Variants in MROH9 observed in about 807,000 individuals in gnomAD.
MROH9 encodes maestro heat-like repeat-containing protein family member 9.
A neutral mutation model predicts 98.2 loss-of-function variants in MROH9; 92 were observed. The observed-to-expected ratio is 0.94, with a 90% CI of 0.79 to 1.11. The LOEUF (loss-of-function observed/expected upper bound fraction) is 1.11. MROH9 is among the 50% of genes most tolerant of loss of function. MROH9 has a pLI of 0.00. For synonymous variants in MROH9, 397 were observed against 368.9 expected, an observed-to-expected ratio of 1.08 and a Z score of -0.87; for missense variants, 1,057 against 1,014.8, an observed-to-expected ratio of 1.04 and a Z score of -0.57.
intron 20 of MROH9, among the ~76,000 whole-genome samples, chr1:171,029,630 C>T (rs147956409): frequency 3.3e-4 from 50 of 152,234 alleles, no homozygotes; most frequent in East Asian, 3.3e-3. Context: ...AGCCTTGCAT[C>T]GCAGGGATGA....
intron 20 of MROH9, among the ~76,000 whole-genome samples, chr1:171,055,176 A>G (rs904631350): frequency 6.6e-6 from 1 of 152,230 alleles, no homozygotes; most frequent in African/African-American, 2.4e-5. Context: ...AATATTACTC[A>G]GCCATTAAAA....
intron 8 of MROH9, among the ~76,000 whole-genome samples, chr1:170,975,149 T>A (rs894248558): frequency 6.6e-6 from 1 of 152,000 alleles, no homozygotes; most frequent in Non-Finnish European, 1.5e-5. Flanking sequence ...GTAAATATTC[T>A]AAATACCCCA....
At chr1:170,936,355 C>T (rs1648882311) in intron 1 of MROH9, among the ~76,000 whole-genome samples, 1 of 152,106 alleles carries the variant, frequency 6.6e-6, no homozygotes, top group Non-Finnish European at 1.5e-5. Context: ...GCACCGAGGG[C>T]AGCAGATTTG....
chr1:170,990,038 G>T, intron 11 of MROH9, 35 bp downstream of exon 11: 1 of 1,576,472 alleles, frequency 6.3e-7, no homozygotes, highest in Non-Finnish European at 8.7e-7. Flanking sequence ...CTTCCACAAG[G>T]GCTTGTTCAC....
intron 1 of MROH9, among the ~76,000 whole-genome samples, chr1:170,942,525 G>A (rs74123648): frequency 6.6e-6 from 1 of 151,996 alleles, no homozygotes; most frequent in Non-Finnish European, 1.5e-5. Flanking sequence ...CTAAAGCAAA[G>A]TCTTTGATAG....
In MROH9 at chr1:171,013,928, C is replaced by T. The variant is rs551302187; in HGVS notation, c.1597-189C>T. 5.8e-4 allele frequency among the ~76,000 whole-genome samples: 87 copies of T among 148,946 alleles called. 1 individual carries two copies. The South Asian group carries it at 0.013, about 22-fold the overall frequency. ...ACACACACACACAGACAGACAAAAA[C>T]GAAACAAAGCATCTATTTTTCTATC... is the stretch of plus-strand genomic sequence containing the variant. On this transcript the variant is annotated intron_variant, in intron 15 of 21. Coordinates refer to ENST00000367759, the MANE Select transcript of MROH9 (RefSeq NM_001163629.2).
intron 20 of MROH9, among the ~76,000 whole-genome samples, chr1:171,028,685 T>G (rs1652808259): frequency 6.6e-6 from 1 of 152,214 alleles, no homozygotes. Flanking sequence ...CATTTGTTTG[T>G]GTCCTCTCTG....
rs1324233547 is a variant in MROH9 at position 170,945,545 on chromosome 1, A to T, written c.-12A>T. 1 of 1,612,044 alleles carries T rather than the reference A, an allele frequency of 6.2e-7. No individual in the cohort carries two copies. The highest frequency in any genetic ancestry group is 1.7e-4 in the Middle Eastern group (1 of 6,042). ...CATTACTAGTAGAAGACTTTAATAC[A>T]CCTCTGTCAGCATGTTGACAAGGAA... On this transcript the variant is annotated 5_prime_UTR_variant, in exon 2 of 22. Transcript: ENST00000367759.
intron 7 of MROH9, among the ~76,000 whole-genome samples, chr1:170,967,707 A>G (rs1650285630): frequency 6.6e-6 from 1 of 152,212 alleles, no homozygotes. Flanking sequence ...GATTTGTCTC[A>G]CATGACTCAT....
chr1:171,002,147 A>G (rs1651805141), intron 15 of MROH9, among the ~76,000 whole-genome samples: 1 of 152,102 alleles, frequency 6.6e-6, no homozygotes. Flanking sequence ...GTGTTAGGTC[A>G]GTCTCTTGAA....
chr1:170,937,866 T>C (rs934176276), intron 1 of MROH9, among the ~76,000 whole-genome samples: 3 of 152,152 alleles, frequency 2.0e-5, no homozygotes, highest in Non-Finnish European at 2.9e-5. Flanking sequence ...ACACATTCTG[T>C]AGTTTCTTTG....
intron 15 of MROH9, 67 bp from the exon 16 acceptor site, chr1:171,014,050 T>C: frequency 3.0e-6 from 4 of 1,350,150 alleles, no homozygotes; most frequent in Admixed American, 4.7e-5. Flanking sequence ...AATATCTTGA[T>C]TTTTATGACA....
At chr1:171,052,095 A>G (rs546973239) in intron 20 of MROH9, among the ~76,000 whole-genome samples, 17 of 151,590 alleles carry the variant, frequency 1.1e-4, no homozygotes, top group South Asian at 2.1e-4. Flanking sequence ...CAGGACTTCT[A>G]TTTATTCTTG....
rs3980698 is a variant in MROH9, at chr1:170,970,702, CTGTGTGTGTGTG to C, written c.481-1027_481-1016del. ...CTTCATATTTCTTCCTTAGGAATTT[CTGTGTGTGTGTG>C]TGTGTGTGTGTGTGTGTGAGAGAGA... On this transcript the variant is annotated intron_variant, in intron 7 of 21. Coordinates refer to ENST00000367759, the MANE Select transcript of MROH9 (RefSeq NM_001163629.2). Among the ~76,000 whole-genome samples the C allele has an allele frequency of 1.0e-4, 12 of 118,478 alleles. No homozygotes were observed. In the Admixed American group the frequency reaches 1.0e-3, roughly 10 times the overall value. The allele number at this position is 118,478 out of a possible 152,430, so 77.7% of individuals were successfully genotyped here. A position where few individuals can be genotyped will look rare whatever the true frequency, so the allele number is the denominator to read the frequency against.
At position 170,992,211 on chromosome 1, in the gene MROH9, C is replaced by T. The variant is rs1053638729; in HGVS notation, c.1076C>T (p.Ala359Val). The T allele has an allele frequency of 6.2e-7, 1 of 1,613,080 alleles. No individual in the cohort carries two copies. ...WKAACSQASV[A>V]PHVLKTILLI... ...GCGGCATGTTCTCAGGCGAGCGTGG[C>T]CCCTCACGTGCTGAAGACAATCTTA... The change falls in exon 12 of 22, where the codon GCC becomes GTC. Residue 359 changes from alanine to valine, a missense_variant. Ala to Val is a moderately conservative substitution (Grantham distance 64). Coordinates refer to ENST00000367759, the MANE Select transcript of MROH9 (RefSeq NM_001163629.2).
intron 20 of MROH9, among the ~76,000 whole-genome samples, chr1:171,057,134 G>A (rs1159536499): frequency 2.6e-5 from 4 of 152,206 alleles, no homozygotes; most frequent in African/African-American, 9.6e-5. Context: ...ATTGACAGAA[G>A]TAGGCTTCAG....
Position 171,027,993 on chromosome 1 carries a change from T to C in MROH9, c.2281+2573T>C, listed in dbSNP as rs566147813. 2.6e-5 allele frequency among the ~76,000 whole-genome samples: 4 copies of C among 152,312 alleles called. No individual in the cohort carries two copies. In the South Asian group the frequency reaches 8.3e-4, roughly 32 times the overall value. On this transcript the variant is annotated intron_variant, in intron 20 of 21. Coordinates refer to ENST00000367759, the MANE Select transcript of MROH9 (RefSeq NM_001163629.2). The stretch of plus-strand genomic sequence containing the variant: ...TTTTTCTCCCATTCTGTAGGTTGCC[T>C]GTTCAGTCTTTGTCTTTTGCTGTGC...
chr1:170,957,794 TG>T (rs1333805067), intron 3 of MROH9, among the ~76,000 whole-genome samples: 8,412 of 130,934 alleles, frequency 0.064, 410 homozygotes, highest in Non-Finnish European at 0.086. Flanking sequence ...GGCATTTTTT[TG>T]TTTTTTTTTT....
intron 1 of MROH9, among the ~76,000 whole-genome samples, chr1:170,937,946 T>A (rs1287488605): frequency 6.6e-6 from 1 of 152,210 alleles, no homozygotes; most frequent in Non-Finnish European, 1.5e-5. Context: ...TCTGGGTCAC[T>A]AGTAGTCCTA....
Sources: gnomAD v4.1 joint callset for allele counts (sites outside exome capture counted in the v4.1 genomes callset) on GRCh38, gnomAD v4.1.1 for gene constraint, MANE v1.5 for transcripts, NCBI Gene and HGNC (gene_info 2026-07-23, HGNC 2026-07-21) for gene names.